SH2D4A: variants seen among roughly 807,000 people sequenced by gnomAD.
The protein encoded by SH2D4A is SH2 domain containing 4A, also known as SH2 domain-containing protein 4A.
Under a neutral mutation model 64.7 loss-of-function variants are expected in SH2D4A, and 70 were observed. That is an observed-to-expected ratio of 1.08 (90% CI 0.89 to 1.32). The LOEUF (loss-of-function observed/expected upper bound fraction) is 1.32, where lower values mean the gene tolerates loss of function less well. Among genes scored for constraint, SH2D4A ranks in the 40% most tolerant of loss-of-function variants. The pLI is 0.00. For synonymous variants in SH2D4A, 268 were observed against 200.7 expected, an observed-to-expected ratio of 1.34 and a Z score of -2.83; for missense variants, 706 against 540.1, an observed-to-expected ratio of 1.31 and a Z score of -3.04.
intron 7 of SH2D4A, among the ~76,000 whole-genome samples, chr8:19,368,666 C>T (rs1393446898): frequency 1.4e-5 from 2 of 140,588 alleles, no homozygotes; most frequent in African/African-American, 2.6e-5. Flanking sequence ...AGAGATGCTA[C>T]TGATTTTTGT....
intron 7 of SH2D4A, among the ~76,000 whole-genome samples, chr8:19,372,949 ATTAGGAAAGAAATCTATC>A (rs2053129014): frequency 6.6e-6 from 1 of 152,050 alleles, no homozygotes; most frequent in Non-Finnish European, 1.5e-5. Flanking sequence ...TAATGCAAAC[ATTAGGAAAGAAATCTATC>A]TTATTGCATT....
At chr8:19,350,870 T>C (rs540495510) in intron 4 of SH2D4A, among the ~76,000 whole-genome samples, 1 of 152,334 alleles carries the variant, frequency 6.6e-6, no homozygotes, top group South Asian at 2.1e-4. Context: ...GTAGTCTCTG[T>C]GCGTGGATTT....
At chr8:19,371,977 T>C (rs1317171267) in intron 7 of SH2D4A, among the ~76,000 whole-genome samples, 1 of 152,202 alleles carries the variant, frequency 6.6e-6, no homozygotes, top group Non-Finnish European at 1.5e-5. Flanking sequence ...TTAAAACAGC[T>C]ATTTTGAATT....
chr8:19,320,319 A>G (rs1250706713), intron 2 of SH2D4A, among the ~76,000 whole-genome samples: 1 of 152,064 alleles, frequency 6.6e-6, no homozygotes, highest in Non-Finnish European at 1.5e-5. Flanking sequence ...GGGGGAGGAA[A>G]TCTTTGTACA....
intron 2 of SH2D4A, 72 bp downstream of exon 2, chr8:19,319,800 CT>C: frequency 7.0e-7 from 1 of 1,435,386 alleles, no homozygotes; most frequent in Non-Finnish European, 9.2e-7. Flanking sequence ...CAATTTCACA[CT>C]AGTCACAAGC....
chr8:19,343,004 A>G (rs1447411513), intron 4 of SH2D4A, among the ~76,000 whole-genome samples: 1 of 152,152 alleles, frequency 6.6e-6, no homozygotes, highest in African/African-American at 2.4e-5. Flanking sequence ...TGTGTGCCTT[A>G]GATTTTTAGA....
chr8:19,370,885 T>G (rs926600992), intron 7 of SH2D4A, among the ~76,000 whole-genome samples: 7 of 152,112 alleles, frequency 4.6e-5, no homozygotes, highest in Non-Finnish European at 1.0e-4. Flanking sequence ...GGTGTATCTG[T>G]TATAGATTTT....
At position 19,394,445 on chromosome 8, in the gene SH2D4A, C is replaced by T. The variant is rs142509998; in HGVS notation, c.1273-105C>T. On this transcript the variant is annotated intron_variant, in intron 9 of 9. Coordinates refer to ENST00000265807, the MANE Select transcript of SH2D4A (RefSeq NM_022071.4). ...TTAAGATGATCATAAACCACAAAAG[C>T]TTTGTGTAAATCATGGGTAGGCAGC... 262 of 713,108 alleles carry T rather than the reference C, an allele frequency of 3.7e-4. 1 individual carries two copies. Among genetic ancestry groups the T allele is most frequent in the Middle Eastern group, 7.9e-4 (3 of 3,776 alleles). 44.2% of individuals were successfully genotyped at this position (713,108 alleles called of 1,614,324 possible). A position where few individuals can be genotyped will look rare whatever the true frequency, so the allele number is the denominator to read the frequency against.
chr8:19,374,783 TGA>T (rs1261981978), intron 8 of SH2D4A, among the ~76,000 whole-genome samples: 1 of 151,968 alleles, frequency 6.6e-6, no homozygotes, highest in Non-Finnish European at 1.5e-5. Flanking sequence ...TTGAAGACAA[TGA>T]GAGAGAGATG....
intron 8 of SH2D4A, among the ~76,000 whole-genome samples, chr8:19,389,489 G>A (rs1426771183): frequency 2.0e-5 from 3 of 152,142 alleles, no homozygotes; most frequent in African/African-American, 7.2e-5. Context: ...AGCTGCGACG[G>A]ACCCTTGTGC....
intron 2 of SH2D4A, among the ~76,000 whole-genome samples, chr8:19,325,561 CT>C (rs111494283): frequency 7.1e-4 from 108 of 152,268 alleles, no homozygotes; most frequent in African/African-American, 2.5e-3. Context: ...TGGCGAACAT[CT>C]TTTTTGGGTA....
rs2053556962 is a variant in SH2D4A at position 19,394,643 on chromosome 8, C to T, written c.*1C>T. 6.2e-7 allele frequency: 1 copy of T among 1,603,516 alleles called. No individual in the cohort carries two copies. The highest frequency in any genetic ancestry group is 8.5e-7 in the Non-Finnish European group (1 of 1,173,036). On this transcript the variant is annotated 3_prime_UTR_variant, in exon 10 of 10. Transcript: ENST00000265807. ...TGACTACCTGGAGCTGTTTGAGTGA[C>T]AGCCTCCATCAGGGTCATCCTACAG...
At position 19,394,577 on chromosome 8, in the gene SH2D4A, G is replaced by C. The variant is rs1160700328; in HGVS notation, c.1300G>C (p.Glu434Gln). The C allele has an allele frequency of 6.2e-7, 1 of 1,607,564 alleles. No homozygotes were observed. Among genetic ancestry groups the C allele is most frequent in the Non-Finnish European group, 8.5e-7 (1 of 1,176,528 alleles). ...GGAACCCATCACTTCCCTGGGGAAG[G>C]AGCTCCTTCTCTATCCCTGTGGTCA... Reference protein sequence around the residue: ...KEEPITSLGKELLLYPCGQQD... With the variant: ...KEEPITSLGKQLLLYPCGQQD... The change falls in exon 10 of 10, where the codon GAG becomes CAG. Residue 434 changes from glutamate to glutamine, a missense_variant. Transcript: ENST00000265807.
intron 2 of SH2D4A, among the ~76,000 whole-genome samples, chr8:19,329,486 C>T (rs1460650374): frequency 1.3e-5 from 2 of 152,108 alleles, no homozygotes; most frequent in African/African-American, 2.4e-5. Context: ...GAATGTTAGT[C>T]TCCTGAGGAC....
chr8:19,343,098 A>C (rs1316901), intron 4 of SH2D4A, among the ~76,000 whole-genome samples: 16,697 of 151,852 alleles, frequency 0.11, 1,089 homozygotes, highest in African/African-American at 0.18. Context: ...AATCTCATAA[A>C]CCTCTGCAAC....
chr8:19,346,108 A>G (rs2052609059), intron 4 of SH2D4A, among the ~76,000 whole-genome samples: 1 of 152,272 alleles, frequency 6.6e-6, no homozygotes, highest in Admixed American at 6.5e-5. Context: ...CAAGTACCAG[A>G]TACCTGGAAA....
At chr8:19,334,937 G>A in intron 4 of SH2D4A, 80 bp downstream of exon 4, 1 of 1,469,162 alleles carries the variant, frequency 6.8e-7, no homozygotes, top group Non-Finnish European at 9.1e-7. Context: ...GACTACTGTG[G>A]CTGAGTGTCA....
intron 5 of SH2D4A, among the ~76,000 whole-genome samples, chr8:19,359,329 C>A (rs1348233580): frequency 6.6e-6 from 1 of 152,056 alleles, no homozygotes; most frequent in East Asian, 1.9e-4. Flanking sequence ...TAACATCAAC[C>A]AAGTACTACA....
chr8:19,313,971 C>G (rs1222522757), intron 1 of SH2D4A, 148 bp downstream of exon 1: 1 of 1,256,114 alleles, frequency 8.0e-7, no homozygotes, highest in Non-Finnish European at 1.0e-6. Context: ...GCCTCCACCC[C>G]TTCGCGGCGC....
Sources: allele counts gnomAD v4.1 joint callset (sites outside exome capture counted in the v4.1 genomes callset), GRCh38; gene constraint gnomAD v4.1.1; transcripts MANE v1.5; gene names NCBI Gene and HGNC (gene_info 2026-07-23, HGNC 2026-07-21).